The following NCKAP5 variants were observed in gnomAD, a reference collection of about 807,000 sequenced individuals.
NCKAP5 encodes the protein nck-associated protein 5.
Under a neutral mutation model 167.0 loss-of-function variants are expected in NCKAP5, and 92 were observed. That is an observed-to-expected ratio of 0.55 (90% CI 0.47 to 0.66). The LOEUF is 0.66. Among genes scored for constraint, NCKAP5 ranks in the 30% least tolerant of loss-of-function variants. The pLI is 0.00. For synonymous variants in NCKAP5, 891 were observed against 877.4 expected (o/e 1.02, Z -0.27); for missense variants, 2,378 against 2,315.0 (o/e 1.03, Z -0.56).
At chr2:132,920,897 T>C (rs1695375921) in intron 8 of NCKAP5, among the ~76,000 whole-genome samples, 1 of 146,076 alleles carries the variant, frequency 6.8e-6, no homozygotes, top group Admixed American at 6.9e-5. Flanking sequence ...ATTCTCCTTA[T>C]TTAAAACTGT....
chr2:132,800,801 T>G (rs952435411), intron 11 of NCKAP5, among the ~76,000 whole-genome samples: 4 of 152,188 alleles, frequency 2.6e-5, no homozygotes, highest in African/African-American at 9.7e-5. Context: ...CAAAGTGTAC[T>G]CTTACTGAGT....
chr2:133,480,480 G>T (rs55671055), intron 3 of NCKAP5, among the ~76,000 whole-genome samples: 4,945 of 151,746 alleles, frequency 0.033, 275 homozygotes, highest in African/African-American at 0.11. Flanking sequence ...CCATCATTCT[G>T]TCCTGGGGTT....
intron 19 of NCKAP5, among the ~76,000 whole-genome samples, chr2:132,720,434 A>G (rs1338770021): frequency 6.6e-6 from 1 of 152,234 alleles, no homozygotes. Context: ...ACCCAGAGGC[A>G]GGGTTTTAGA....
intron 8 of NCKAP5, among the ~76,000 whole-genome samples, chr2:132,881,487 T>A (rs973425187): frequency 1.3e-5 from 2 of 151,886 alleles, no homozygotes; most frequent in African/African-American, 4.8e-5. Context: ...GAATAGTTTG[T>A]CTTTTTATGT....
At chr2:133,379,785 C>T (rs968348553) in intron 3 of NCKAP5, among the ~76,000 whole-genome samples, 1 of 152,118 alleles carries the variant, frequency 6.6e-6, no homozygotes, top group Non-Finnish European at 1.5e-5. Flanking sequence ...CTTCAAAGTG[C>T]AGTAAAATGC....
At chr2:132,842,397 C>T (rs1209593107) in intron 11 of NCKAP5, among the ~76,000 whole-genome samples, 1 of 152,030 alleles carries the variant, frequency 6.6e-6, no homozygotes, top group Non-Finnish European at 1.5e-5. Flanking sequence ...TATACACACA[C>T]ATATAAATCT....
intron 5 of NCKAP5, among the ~76,000 whole-genome samples, chr2:133,160,681 A>T (rs1041257214): frequency 2.0e-5 from 3 of 151,954 alleles, no homozygotes; most frequent in Non-Finnish European, 4.4e-5. Flanking sequence ...TTACCCTCCA[A>T]TGTGGACAGA....
chr2:133,352,587 A>T (rs1268657024), intron 3 of NCKAP5, among the ~76,000 whole-genome samples: 1 of 152,216 alleles, frequency 6.6e-6, no homozygotes, highest in African/African-American at 2.4e-5. Flanking sequence ...CCTGAAGGCT[A>T]AACAGACTTG....
chr2:132,828,337 G>C lies in NCKAP5; in HGVS notation c.808-31608C>G, dbSNP rs527729353. ...CTAGTGTTGGAGGAGGGGCCTGGTG[G>C]GAGGTGATTGGATCAAGGGGGTGGA... is the stretch of plus-strand genomic sequence containing the variant. On this transcript the variant is annotated intron_variant, in intron 11 of 19. Coordinates refer to ENST00000409261, the MANE Select transcript of NCKAP5 (RefSeq NM_207363.3). Among the ~76,000 whole-genome samples the C allele has an allele frequency of 2.0e-5, 3 of 152,204 alleles. No homozygotes were observed. In the East Asian group the frequency reaches 5.8e-4, roughly 29 times the overall value.
At chr2:133,287,272 C>T (rs75266964) in intron 4 of NCKAP5, among the ~76,000 whole-genome samples, 1,777 of 152,212 alleles carry the variant, frequency 0.012, 40 homozygotes, top group Non-Finnish European at 0.012. Context: ...TGTGGATAAT[C>T]TTTGGATTGT....
chr2:132,986,054 T>C (rs1399870524), intron 7 of NCKAP5, among the ~76,000 whole-genome samples: 1 of 152,056 alleles, frequency 6.6e-6, no homozygotes, highest in African/African-American at 2.4e-5. Context: ...GTTTACCACA[T>C]TTTGTTAAGG....
intron 6 of NCKAP5, among the ~76,000 whole-genome samples, chr2:133,007,333 T>G (rs2078003039): frequency 6.6e-6 from 1 of 152,220 alleles, no homozygotes; most frequent in South Asian, 2.1e-4. Flanking sequence ...ATTGTAAACC[T>G]TTTGGTGCTG....
intron 6 of NCKAP5, among the ~76,000 whole-genome samples, chr2:133,053,757 T>A (rs1047971624): frequency 3.9e-5 from 6 of 152,190 alleles, no homozygotes; most frequent in African/African-American, 1.4e-4. Context: ...ATAACTTTGG[T>A]TTTAGTTACT....
intron 4 of NCKAP5, among the ~76,000 whole-genome samples, chr2:133,287,034 G>A (rs1679195218): frequency 6.6e-6 from 1 of 152,128 alleles, no homozygotes; most frequent in African/African-American, 2.4e-5. Flanking sequence ...CATTTGCAGT[G>A]GTACAGAACT....
chr2:132,852,010 G>A (rs930173247), intron 11 of NCKAP5, among the ~76,000 whole-genome samples: 9 of 152,150 alleles, frequency 5.9e-5, no homozygotes, highest in East Asian at 1.9e-4. Flanking sequence ...GATTTCCAGC[G>A]CCAAGAAATT....
At chr2:132,714,259 C>T (rs1291698876) in intron 19 of NCKAP5, among the ~76,000 whole-genome samples, 1 of 152,186 alleles carries the variant, frequency 6.6e-6, no homozygotes, top group Non-Finnish European at 1.5e-5. Context: ...GGGGCTTTAG[C>T]TTCACATTAT....
At position 132,870,289 on chromosome 2, in the gene NCKAP5, A is replaced by G. The variant is rs185216170; in HGVS notation, c.649-1315T>C. 1.8e-3 allele frequency among the ~76,000 whole-genome samples: 279 copies of G among 152,344 alleles called. 3 individuals carry two copies. The highest frequency in any genetic ancestry group is 6.4e-3 in the African/African-American group (266 of 41,576). On this transcript the variant is annotated intron_variant, in intron 9 of 19. Coordinates refer to ENST00000409261, the MANE Select transcript of NCKAP5 (RefSeq NM_207363.3). Reference sequence around the variant, plus strand: ...TAAACTTCACTATTACCTTGAAGCTATGTAGCTACATGGCTACTGTTGATA... The same window carrying G: ...TAAACTTCACTATTACCTTGAAGCTGTGTAGCTACATGGCTACTGTTGATA...
chr2:132,787,700 C>T (rs1156588848), intron 13 of NCKAP5, among the ~76,000 whole-genome samples: 1 of 152,182 alleles, frequency 6.6e-6, no homozygotes, highest in Non-Finnish European at 1.5e-5. Flanking sequence ...GCCCCACTTC[C>T]TCTTCCCTGT....
chr2:133,346,185 G>A (rs1299527339), intron 3 of NCKAP5, among the ~76,000 whole-genome samples: 1 of 152,148 alleles, frequency 6.6e-6, no homozygotes, highest in Non-Finnish European at 1.5e-5. Context: ...GTAGTAGAAA[G>A]CAGGGACAAT....
Sources: gnomAD v4.1 joint callset for allele counts (sites outside exome capture counted in the v4.1 genomes callset) on GRCh38, gnomAD v4.1.1 for gene constraint, MANE v1.5 for transcripts, NCBI Gene and HGNC (gene_info 2026-07-23, HGNC 2026-07-21) for gene names.